Variants in LRFN2 observed in about 807,000 individuals in gnomAD.
LRFN2 encodes the protein leucine rich repeat and fibronectin type III domain containing 2.
A neutral mutation model predicts 37.3 loss-of-function variants in LRFN2; 18 were observed. The observed-to-expected ratio is 0.48, with a 90% CI of 0.33 to 0.72. The LOEUF (loss-of-function observed/expected upper bound fraction) is 0.72, where lower values mean the gene tolerates loss of function less well. Ranked by LOEUF, LRFN2 falls within the 30% of genes least tolerant of loss-of-function variation. The pLI, the probability that LRFN2 is intolerant of heterozygous loss-of-function variation, is 0.02. For synonymous variants in LRFN2, 556 were observed against 466.6 expected (o/e 1.19, Z -2.47); for missense variants, 1,006 against 1,060.7 (o/e 0.95, Z 0.72).
intron 1 of LRFN2, among the ~76,000 whole-genome samples, chr6:40,453,249 T>G (rs564715947): frequency 6.6e-6 from 1 of 152,210 alleles, no homozygotes; most frequent in South Asian, 2.1e-4. Context: ...AAGAGAAGTA[T>G]TGGAGAGTGA....
At chr6:40,494,993 A>T (rs187153482) in intron 1 of LRFN2, among the ~76,000 whole-genome samples, 2 of 152,322 alleles carry the variant, frequency 1.3e-5, no homozygotes, top group African/African-American at 2.4e-5. Flanking sequence ...GTTAAACCCA[A>T]TCATCCATCT....
At chr6:40,455,266 A>G (rs1460991629) in intron 1 of LRFN2, among the ~76,000 whole-genome samples, 1 of 152,128 alleles carries the variant, frequency 6.6e-6, no homozygotes, top group Non-Finnish European at 1.5e-5. Flanking sequence ...CTCTGAGACT[A>G]CTTTGCACCA....
chr6:40,443,639 C>T (rs1040666218), intron 1 of LRFN2, among the ~76,000 whole-genome samples: 2 of 152,296 alleles, frequency 1.3e-5, no homozygotes, highest in Non-Finnish European at 2.9e-5. Flanking sequence ...TGTCCTCTGT[C>T]CCTGCAGTTC....
At chr6:40,449,122 T>C (rs1764042816) in intron 1 of LRFN2, among the ~76,000 whole-genome samples, 1 of 152,168 alleles carries the variant, frequency 6.6e-6, no homozygotes, top group African/African-American at 2.4e-5. Context: ...TAGTTAATAA[T>C]AGAGTATTGT....
chr6:40,458,872 G>A (rs1764287251), intron 1 of LRFN2, among the ~76,000 whole-genome samples: 1 of 152,178 alleles, frequency 6.6e-6, no homozygotes, highest in Non-Finnish European at 1.5e-5. Context: ...GGGTCTGAAT[G>A]ACTGTCCAGC....
At chr6:40,399,906 G>A (rs1294547579) in intron 2 of LRFN2, among the ~76,000 whole-genome samples, 1 of 151,774 alleles carries the variant, frequency 6.6e-6, no homozygotes, top group Non-Finnish European at 1.5e-5. Flanking sequence ...GCACATCTTG[G>A]CTGTATCTAG....
At chr6:40,553,827 T>C (rs1269170150) in intron 1 of LRFN2, among the ~76,000 whole-genome samples, 1 of 152,226 alleles carries the variant, frequency 6.6e-6, no homozygotes, top group Non-Finnish European at 1.5e-5. Context: ...GATGCCTTAC[T>C]TATAGGAAGC....
intron 1 of LRFN2, among the ~76,000 whole-genome samples, chr6:40,456,448 G>A (rs896563635): frequency 2.0e-5 from 3 of 152,216 alleles, no homozygotes; most frequent in Non-Finnish European, 4.4e-5. Flanking sequence ...TGTTTCCTAA[G>A]CCTGAAGTAG....
intron 2 of LRFN2, among the ~76,000 whole-genome samples, chr6:40,406,211 C>T (rs1054009143): frequency 4.6e-5 from 7 of 152,178 alleles, no homozygotes; most frequent in African/African-American, 1.7e-4. Flanking sequence ...AGGGTTGCTA[C>T]GAGGATGAAA....
intron 1 of LRFN2, among the ~76,000 whole-genome samples, chr6:40,450,592 G>A (rs1164248841): frequency 6.6e-6 from 1 of 152,250 alleles, no homozygotes; most frequent in East Asian, 1.9e-4. Flanking sequence ...TGTTTGTCCA[G>A]TGTCCAGCTT....
chr6:40,555,756 C>A (rs1041757472), intron 1 of LRFN2, among the ~76,000 whole-genome samples: 1 of 152,112 alleles, frequency 6.6e-6, no homozygotes, highest in African/African-American at 2.4e-5. Context: ...CCTTGCCACA[C>A]TGAGTAGATG....
chr6:40,550,534 T>C (rs542503599), intron 1 of LRFN2, among the ~76,000 whole-genome samples: 5 of 152,232 alleles, frequency 3.3e-5, no homozygotes, highest in African/African-American at 4.8e-5. Context: ...GAGAAGACAA[T>C]GGACAAGAAA....
At chr6:40,513,965 G>C (rs957237876) in intron 1 of LRFN2, among the ~76,000 whole-genome samples, 1 of 152,116 alleles carries the variant, frequency 6.6e-6, no homozygotes, top group African/African-American at 2.4e-5. Flanking sequence ...GGCCTGGCCA[G>C]AGAGGACAAG....
intron 2 of LRFN2, among the ~76,000 whole-genome samples, chr6:40,423,811 G>C (rs1763284549): frequency 6.6e-6 from 1 of 152,136 alleles, no homozygotes; most frequent in South Asian, 2.1e-4. Flanking sequence ...AGGGCGATGG[G>C]ATCACTGGTG....
At chr6:40,558,083 A>T (rs1282832100) in intron 1 of LRFN2, among the ~76,000 whole-genome samples, 3 of 152,148 alleles carry the variant, frequency 2.0e-5, no homozygotes, top group African/African-American at 7.2e-5. Flanking sequence ...CACGCACGTG[A>T]AGGAGTGGAG....
chr6:40,443,974 G>C (rs1317652951), intron 1 of LRFN2, among the ~76,000 whole-genome samples: 2 of 152,138 alleles, frequency 1.3e-5, no homozygotes, highest in African/African-American at 4.8e-5. Flanking sequence ...CTAGGGCTGG[G>C]AGGGAGCTGG....
At chr6:40,522,785 C>T (rs1461846034) in intron 1 of LRFN2, among the ~76,000 whole-genome samples, 1 of 152,198 alleles carries the variant, frequency 6.6e-6, no homozygotes, top group Non-Finnish European at 1.5e-5. Flanking sequence ...TGGGACCCCA[C>T]AGGGGTTTCA....
chr6:40,450,210 C>T (rs1164394958), intron 1 of LRFN2, among the ~76,000 whole-genome samples: 1 of 152,226 alleles, frequency 6.6e-6, no homozygotes, highest in African/African-American at 2.4e-5. Flanking sequence ...GCCTCACCTT[C>T]CCTACCTCGG....
chr6:40,556,974 C>T (rs984227428), intron 1 of LRFN2, among the ~76,000 whole-genome samples: 1 of 152,188 alleles, frequency 6.6e-6, no homozygotes, highest in Non-Finnish European at 1.5e-5. Flanking sequence ...GAATTAGAGA[C>T]ATAATAATAA....
Sources: gnomAD v4.1 joint callset for allele counts (sites outside exome capture counted in the v4.1 genomes callset) on GRCh38, gnomAD v4.1.1 for gene constraint, MANE v1.5 for transcripts, NCBI Gene and HGNC (gene_info 2026-07-23, HGNC 2026-07-21) for gene names.